SNX29: variants seen among roughly 807,000 people sequenced by gnomAD.
The protein encoded by SNX29 is sorting nexin-29.
In SNX29, 78 loss-of-function variants were observed where a neutral mutation model predicts 102.1. That is an observed-to-expected ratio of 0.76 (90% CI 0.64 to 0.92). SNX29 has a LOEUF of 0.92. SNX29 is among the 40% of genes least tolerant of loss of function. The pLI, the probability that SNX29 is intolerant of heterozygous loss-of-function variation, is 0.00. For synonymous variants in SNX29, 580 were observed against 414.5 expected, an observed-to-expected ratio of 1.40 and a Z score of -4.85; for missense variants, 1,280 against 1,061.7, an observed-to-expected ratio of 1.21 and a Z score of -2.86.
intron 17 of SNX29, among the ~76,000 whole-genome samples, chr16:12,399,107 G>T (rs1293213271): frequency 6.6e-6 from 1 of 152,190 alleles, no homozygotes; most frequent in African/African-American, 2.4e-5. Flanking sequence ...CTGGAGTGCA[G>T]TGGCACGATC....
chr16:11,997,809 T>C (rs1161690338), intron 1 of SNX29, among the ~76,000 whole-genome samples: 1 of 152,182 alleles, frequency 6.6e-6, no homozygotes, highest in Non-Finnish European at 1.5e-5. Context: ...CATGAGAAGA[T>C]GGATCTTTTA....
chr16:11,992,487 C>T (rs1473427190), intron 1 of SNX29, among the ~76,000 whole-genome samples: 2 of 152,104 alleles, frequency 1.3e-5, no homozygotes, highest in African/African-American at 4.8e-5. Flanking sequence ...CCCCTACCAC[C>T]CCAGCCCCTG....
rs143403173 is a variant in SNX29, at chr16:12,466,108, C to T, written c.2038-11611C>T. ...ACAAAACAACGATGTGTACTCCTGCCGCTTTGGTTCAATATAGTACTGGAA... is the reference window on the plus strand; with the variant it reads ...ACAAAACAACGATGTGTACTCCTGCTGCTTTGGTTCAATATAGTACTGGAA... On this transcript the variant is annotated intron_variant, in intron 18 of 20. Coordinates refer to ENST00000566228, the MANE Select transcript of SNX29 (RefSeq NM_032167.5). Among the ~76,000 whole-genome samples the T allele has an allele frequency of 3.4e-3, 521 of 152,250 alleles. 1 individual carries two copies. The highest frequency in any genetic ancestry group is 1.0e-2 in the South Asian group (48 of 4,824).
At chr16:12,109,772 C>A (rs2053428432) in intron 11 of SNX29, among the ~76,000 whole-genome samples, 1 of 152,068 alleles carries the variant, frequency 6.6e-6, no homozygotes, top group Admixed American at 6.6e-5. Flanking sequence ...GCTCTGTCAC[C>A]CAGGCTGGAG....
chr16:12,237,862 C>G (rs937081384), intron 14 of SNX29, among the ~76,000 whole-genome samples: 1 of 152,194 alleles, frequency 6.6e-6, no homozygotes, highest in Non-Finnish European at 1.5e-5. Context: ...GAGCTGAGAT[C>G]ATGCCACTGC....
Position 12,568,668 on chromosome 16 carries a change from C to T in SNX29, c.*39C>T. On this transcript the variant is annotated 3_prime_UTR_variant, in exon 21 of 21. Transcript: ENST00000566228. Reference sequence around the variant, plus strand: ...GCAGCCACGGGCCCTGTGCGTGGCACCAGCTGCGTCCACCCCAGCCACTGC... The same window carrying T: ...GCAGCCACGGGCCCTGTGCGTGGCATCAGCTGCGTCCACCCCAGCCACTGC... 1.3e-6 allele frequency: 2 copies of T among 1,590,626 alleles called. No homozygotes were observed. Among genetic ancestry groups the T allele is most frequent in the Non-Finnish European group, 1.7e-6 (2 of 1,174,884 alleles).
intron 16 of SNX29, among the ~76,000 whole-genome samples, chr16:12,380,788 T>TCCATCCAC (rs2083080521): frequency 1.2e-4 from 2 of 17,098 alleles, no homozygotes; most frequent in Non-Finnish European, 1.4e-4. Context: ...CATCCACCCA[T>TCCATCCAC]CCACCCACAC....
intron 14 of SNX29, among the ~76,000 whole-genome samples, chr16:12,250,183 G>A (rs780202666): frequency 5.9e-5 from 9 of 152,340 alleles, no homozygotes; most frequent in South Asian, 2.1e-4. Flanking sequence ...AGGTGGAGGA[G>A]CATGTGCAAA....
intron 18 of SNX29, among the ~76,000 whole-genome samples, chr16:12,418,843 G>A (rs573269558): frequency 6.6e-6 from 1 of 152,248 alleles, no homozygotes; most frequent in East Asian, 1.9e-4. Flanking sequence ...CACATGCCTG[G>A]TGTCAGTTCC....
At chr16:12,318,507 C>T (rs956424977) in intron 15 of SNX29, among the ~76,000 whole-genome samples, 1 of 152,178 alleles carries the variant, frequency 6.6e-6, no homozygotes, top group Non-Finnish European at 1.5e-5. Flanking sequence ...GCTTCATTCC[C>T]ATCCTCTGTT....
At chr16:12,355,875 AAGAG>A (rs1393351264) in intron 15 of SNX29, among the ~76,000 whole-genome samples, 20 of 136,130 alleles carry the variant, frequency 1.5e-4, no homozygotes, top group East Asian at 6.6e-4. Flanking sequence ...AAAAAAAAAA[AAGAG>A]AGAGGAAAAA....
intron 19 of SNX29, among the ~76,000 whole-genome samples, chr16:12,481,395 T>TACAC (rs149352429): frequency 9.3e-5 from 14 of 149,740 alleles, no homozygotes; most frequent in African/African-American, 1.2e-4. Context: ...TATATATATA[T>TACAC]ACACACACAC....
intron 16 of SNX29, among the ~76,000 whole-genome samples, chr16:12,364,217 T>TG (rs1567481923): frequency 3.4e-5 from 5 of 149,066 alleles, no homozygotes; most frequent in Admixed American, 6.7e-5. Flanking sequence ...TGTTATGTTA[T>TG]TTTTGTAGAG....
At chr16:12,270,454 A>G (rs1257985305) in intron 14 of SNX29, among the ~76,000 whole-genome samples, 1 of 152,048 alleles carries the variant, frequency 6.6e-6, no homozygotes, top group Non-Finnish European at 1.5e-5. Context: ...GGCAAATTGA[A>G]CCTTCTCGAC....
chr16:12,538,704 G>A (rs1484511904), intron 20 of SNX29, among the ~76,000 whole-genome samples: 2 of 152,122 alleles, frequency 1.3e-5, no homozygotes, highest in African/African-American at 4.8e-5. Context: ...GGGCGAGCCT[G>A]GGCATGTACA....
intron 8 of SNX29, chr16:12,060,726 A>T: frequency 2.2e-6 from 1 of 455,418 alleles, no homozygotes. Context: ...GGTATTTATT[A>T]ACATTTCTTG....
chr16:11,978,804 A>G (rs2055356607), intron 1 of SNX29, among the ~76,000 whole-genome samples: 1 of 152,158 alleles, frequency 6.6e-6, no homozygotes, highest in South Asian at 2.1e-4. Flanking sequence ...ACGCGCCTGT[A>G]ATCCCAGCTA....
At position 12,569,524 on chromosome 16, in the gene SNX29, G is replaced by T. The variant is rs1201919172; in HGVS notation, c.*895G>T. On this transcript the variant is annotated 3_prime_UTR_variant, in exon 21 of 21. Coordinates refer to ENST00000566228, the MANE Select transcript of SNX29 (RefSeq NM_032167.5). The stretch of plus-strand genomic sequence containing the variant: ...TTTTCAAACCAGGCTCCATGACTAT[G>T]AAGTTGGACCCAGTGTGGACACTTA... 1 of 231,658 alleles carries T rather than the reference G, an allele frequency of 4.3e-6. No homozygotes were observed. The highest frequency in any genetic ancestry group is 8.5e-6 in the Non-Finnish European group (1 of 117,072). 14.4% of individuals were successfully genotyped at this position (231,658 alleles called of 1,614,324 possible).
chr16:12,041,075 T>G (rs1703494), intron 4 of SNX29, among the ~76,000 whole-genome samples: 107,698 of 152,080 alleles, frequency 0.71, 38,904 homozygotes, highest in African/African-American at 0.82. Flanking sequence ...CCAAAGTGCT[T>G]GGATTACAGG....
Sources: allele counts gnomAD v4.1 joint callset (sites outside exome capture counted in the v4.1 genomes callset), GRCh38; gene constraint gnomAD v4.1.1; transcripts MANE v1.5; gene names NCBI Gene and HGNC (gene_info 2026-07-23, HGNC 2026-07-21).